ZBTB1: variants seen among roughly 807,000 people sequenced by gnomAD.
The protein encoded by ZBTB1 is zinc finger and BTB domain containing 1, also known as zinc finger and BTB domain-containing protein 1.
In ZBTB1, 13 loss-of-function variants were observed where a neutral mutation model predicts 51.6. That is an observed-to-expected ratio of 0.25 (90% CI 0.16 to 0.40). The LOEUF (loss-of-function observed/expected upper bound fraction) is 0.40. Ranked by LOEUF, ZBTB1 falls within the 10% of genes least tolerant of loss-of-function variation. ZBTB1 has a pLI of 1.00. For missense variants in ZBTB1, 567 were observed against 856.5 expected (o/e 0.66, Z 4.22); for synonymous variants, 240 against 282.2 (o/e 0.85, Z 1.50).
At position 64,524,572 on chromosome 14, in the gene ZBTB1, T is replaced by C; in HGVS notation, c.*926T>C. 1 of 983,304 alleles carries C rather than the reference T, an allele frequency of 1.0e-6. No individual in the cohort carries two copies. The allele number at this position is 983,304 out of a possible 1,614,324, so 60.9% of individuals were successfully genotyped here. On this transcript the variant is annotated 3_prime_UTR_variant, in exon 2 of 2. Coordinates refer to ENST00000683701, the MANE Select transcript of ZBTB1 (RefSeq NM_001123329.2). Reference sequence around the variant, plus strand: ...AAAGATGATTTTTTACAATACATACTTCTGGAACTTTGAGATTTGAGAAAG... The same window carrying C: ...AAAGATGATTTTTTACAATACATACCTCTGGAACTTTGAGATTTGAGAAAG...
At chr14:64,507,421 A>G (rs2079677290) in intron 1 of ZBTB1, among the ~76,000 whole-genome samples, 1 of 152,228 alleles carries the variant, frequency 6.6e-6, no homozygotes, top group Non-Finnish European at 1.5e-5. Flanking sequence ...TTCAGCCTGT[A>G]TTGAAGTACA....
chr14:64,508,625 G>A (rs118109986), intron 1 of ZBTB1, among the ~76,000 whole-genome samples: 511 of 152,284 alleles, frequency 3.4e-3, no homozygotes, highest in Admixed American at 5.8e-3. Context: ...TTTTGGGGAA[G>A]TCAGCCACTG....
In ZBTB1 at chr14:64,524,405, A is replaced by G. The variant is rs1040354009; in HGVS notation, c.*759A>G. 1 of 803,290 alleles carries G rather than the reference A, an allele frequency of 1.2e-6. No homozygotes were observed. The highest frequency in any genetic ancestry group is 1.5e-6 in the Non-Finnish European group (1 of 664,250). 49.8% of individuals were successfully genotyped at this position (803,290 alleles called of 1,614,324 possible). A position where few individuals can be genotyped will look rare whatever the true frequency, so the allele number is the denominator to read the frequency against. On this transcript the variant is annotated 3_prime_UTR_variant, in exon 2 of 2. Transcript: ENST00000683701. ...TTGTGATATTAAATTTAACTATGAT[A>G]GTTAATTAAAAAGACATATCTTGTA...
intron 2 of ZBTB1, among the ~76,000 whole-genome samples, chr14:64,530,607 A>G (rs1323007953): frequency 6.6e-6 from 1 of 152,192 alleles, no homozygotes; most frequent in Non-Finnish European, 1.5e-5. Flanking sequence ...TCTCAAAAAA[A>G]AAAAAAATTA....
chr14:64,519,518 CT>C (rs772645224), intron 1 of ZBTB1, among the ~76,000 whole-genome samples: 19 of 149,886 alleles, frequency 1.3e-4, no homozygotes, highest in Non-Finnish European at 2.2e-4. Flanking sequence ...AATCCCAGCA[CT>C]TTGGAAGCCC....
chr14:64,533,263 G>A (rs2079956595), exon 3 of ZBTB1: 3 of 151,934 alleles, frequency 2.0e-5, no homozygotes, highest in African/African-American at 7.3e-5. Context: ...ACTGCTTTAA[G>A]AGAAATAAAA....
intron 1 of ZBTB1, among the ~76,000 whole-genome samples, chr14:64,511,050 T>C (rs1239026743): frequency 6.6e-6 from 1 of 152,180 alleles, no homozygotes; most frequent in Admixed American, 6.5e-5. Context: ...TCTAGGTGAT[T>C]GGTACATAGT....
Position 64,522,999 on chromosome 14 carries a change from G to A in ZBTB1, c.1495G>A (p.Glu499Lys), listed in dbSNP as rs769976585. 11 of 1,614,170 alleles carry A rather than the reference G, an allele frequency of 6.8e-6. No individual in the cohort carries two copies. Among genetic ancestry groups the A allele is most frequent in the South Asian group, 1.1e-5 (1 of 91,074 alleles). Reference sequence around the variant, plus strand: ...GGAAGAGAATCCTGATGAGCAGTCCGAAATAAGAGATATGTTTGTTGAAAT... The same window carrying A: ...GGAAGAGAATCCTGATGAGCAGTCCAAAATAAGAGATATGTTTGTTGAAAT... ...DLEENPDEQS[E>K]IRDMFVEMLD... Residue 499 changes from glutamate (E) to lysine (K), a missense_variant, in exon 2 of 2, where the codon GAA (glutamate) becomes AAA (lysine). By Grantham distance (56) the Glu-to-Lys change is moderately conservative (BLOSUM62 1). This residue lies in a region of ZBTB1 where 329 missense variants were observed against 406.3 expected (regional missense o/e 0.81). Transcript: ENST00000683701.
rs573689136 is a variant in ZBTB1, at chr14:64,521,857, A to G, written c.353A>G (p.Asp118Gly). 1 of 1,613,028 alleles carries G rather than the reference A, an allele frequency of 6.2e-7. No individual in the cohort carries two copies. Among genetic ancestry groups the G allele is most frequent in the African/African-American group, 1.3e-5 (1 of 75,074 alleles). Residue 118 changes from aspartate (D) to glycine (G), a missense_variant, in exon 2 of 2, where the codon GAT becomes GGT. Transcript: ENST00000683701. The part of the protein sequence containing the change: ...NVPDCLEDIQ[D>G]ADCSSSKCSS... ...CCTGACTGTTTAGAAGACATCCAGG[A>G]TGCAGATTGTTCTAGTTCAAAATGT...
chr14:64,533,612 T>C (rs907692992), exon 3 of ZBTB1: 1 of 152,564 alleles, frequency 6.6e-6, no homozygotes, highest in African/African-American at 2.4e-5. Flanking sequence ...AATGGAATTA[T>C]TGGGTTAAAG....
At chr14:64,528,344 C>CTTTTTT (rs71123857), downstream of ZBTB1, among the ~76,000 whole-genome samples, 181 of 115,410 alleles carry the variant, frequency 1.6e-3, no homozygotes, top group African/African-American at 2.6e-3. Context: ...TTTTTCTTTT[C>CTTTTTT]TTTTTTTTTT....
intron 1 of ZBTB1, among the ~76,000 whole-genome samples, chr14:64,508,695 G>A: frequency 6.6e-6 from 1 of 152,152 alleles, no homozygotes; most frequent in East Asian, 1.9e-4. Context: ...GGGTGGTTGT[G>A]AGATCAGTTG....
At chr14:64,517,618 C>G (rs2079799876) in intron 1 of ZBTB1, among the ~76,000 whole-genome samples, 2 of 151,170 alleles carry the variant, frequency 1.3e-5, no homozygotes, top group African/African-American at 4.9e-5. Context: ...TTTTTTTCAT[C>G]TTTTTTCCCC....
chr14:64,515,818 C>G (rs2079777816), intron 1 of ZBTB1, among the ~76,000 whole-genome samples: 1 of 152,158 alleles, frequency 6.6e-6, no homozygotes, highest in South Asian at 2.1e-4. Flanking sequence ...GGTGCCCGGC[C>G]TCAAAAATTT....
intron 1 of ZBTB1, among the ~76,000 whole-genome samples, chr14:64,519,009 A>G (rs1192011317): frequency 6.7e-6 from 1 of 148,796 alleles, no homozygotes; most frequent in Non-Finnish European, 1.5e-5. Context: ...GGTACTCAAT[A>G]TGCTAACTAT....
At chr14:64,527,346 C>G (rs936019236), downstream of ZBTB1, among the ~76,000 whole-genome samples, 4 of 151,500 alleles carry the variant, frequency 2.6e-5, no homozygotes, top group African/African-American at 9.7e-5. Context: ...CGCAGTGGCT[C>G]AAGCCTGTAA....
chr14:64,523,369 G>A lies in ZBTB1; in HGVS notation c.1865G>A (p.Arg622Gln). The part of the protein sequence containing the change: ...GKQFLRERQL[R>Q]LHNDMHKGMA... ...CAGTTTTTAAGAGAGCGTCAGTTGC[G>A]ACTGCACAATGATATGCACAAAGGC... The change falls in exon 2 of 2, where the codon CGA (arginine) becomes CAA (glutamine). Residue 622 changes from arginine (R) to glutamine (Q), a missense_variant. Transcript: ENST00000683701. The surrounding 1 kb of genome is among the most constrained non-coding windows in gnomAD (Gnocchi z 4.5). The A allele has an allele frequency of 1.2e-6, 2 of 1,614,148 alleles. No individual in the cohort carries two copies. Among genetic ancestry groups the A allele is most frequent in the Non-Finnish European group, 1.7e-6 (2 of 1,180,010 alleles).
In ZBTB1 at chr14:64,522,365, CA is replaced by C; in HGVS notation, c.862del (p.Thr288GlnfsTer24). 1 of 1,614,112 alleles carries C rather than the reference CA, an allele frequency of 6.2e-7. No homozygotes were observed. The highest frequency in any genetic ancestry group is 8.5e-7 in the Non-Finnish European group (1 of 1,180,034). The part of the protein sequence containing the change: ...SAQTDKYRGD[T>X]SQAADDSAST... ...CACAGACGGACAAATACAGAGGAGA[CA>C]CAAGCCAGGCTGCTGATGATTCAGC... On this transcript the variant is annotated frameshift_variant, in exon 2 of 2. Coordinates refer to ENST00000683701, the MANE Select transcript of ZBTB1 (RefSeq NM_001123329.2). LOFTEE classifies it high-confidence loss of function.
In ZBTB1 at chr14:64,524,082, A is replaced by G; in HGVS notation, c.*436A>G. ...ATTCCTTAAGTAATTATTTGAAACT[A>G]TCCCGTTTGCTTTTAGTGAGTTAAC... On this transcript the variant is annotated 3_prime_UTR_variant, in exon 2 of 2. Coordinates refer to ENST00000683701, the MANE Select transcript of ZBTB1 (RefSeq NM_001123329.2). The G allele has an allele frequency of 3.0e-6, 3 of 984,474 alleles. No individual in the cohort carries two copies. Among genetic ancestry groups the G allele is most frequent in the Non-Finnish European group, 3.6e-6 (3 of 829,308 alleles). 61.0% of individuals were successfully genotyped at this position (984,474 alleles called of 1,614,324 possible).
Sources: allele counts gnomAD v4.1 joint callset (sites outside exome capture counted in the v4.1 genomes callset), GRCh38; gene constraint gnomAD v4.1.1; regional missense constraint gnomAD v4.1.1; non-coding constraint Gnocchi (gnomAD v3.1); transcripts MANE v1.5; gene names NCBI Gene and HGNC (gene_info 2026-07-23, HGNC 2026-07-21).